The following SLC44A5 variants were observed in gnomAD, a reference collection of about 807,000 sequenced individuals.
SLC44A5 encodes choline transporter-like protein 5.
A neutral mutation model predicts 101.8 loss-of-function variants in SLC44A5; 57 were observed. The observed-to-expected ratio is 0.56, with a 90% confidence interval of 0.45 to 0.70. The LOEUF (loss-of-function observed/expected upper bound fraction) is 0.70. Among genes scored for constraint, SLC44A5 ranks in the 30% least tolerant of loss-of-function variants. The pLI, the probability that SLC44A5 is intolerant of heterozygous loss-of-function variation, is 0.00. For missense variants in SLC44A5, 737 were observed against 853.1 expected, an observed-to-expected ratio of 0.86 and a Z score of 1.70; for synonymous variants, 281 against 290.9, an observed-to-expected ratio of 0.97 and a Z score of 0.35.
intron 2 of SLC44A5, among the ~76,000 whole-genome samples, chr1:75,468,313 G>A (rs1439333999): frequency 6.6e-6 from 1 of 152,154 alleles, no homozygotes; most frequent in Admixed American, 6.5e-5. Flanking sequence ...GAATCCTACT[G>A]CTGGGTATAC....
At chr1:75,360,102 T>C (rs1048077689) in intron 3 of SLC44A5, among the ~76,000 whole-genome samples, 2 of 152,184 alleles carry the variant, frequency 1.3e-5, no homozygotes, top group African/African-American at 2.4e-5. Flanking sequence ...AAATAAGTTT[T>C]CCCACTCGCA....
the SLC44A5 span, among the ~76,000 whole-genome samples, chr1:75,665,274 A>C: frequency 6.6e-6 from 1 of 152,238 alleles, no homozygotes; most frequent in Non-Finnish European, 1.5e-5. Context: ...CCAATTGAAC[A>C]GACTGGAGGA....
At chr1:75,720,244 C>T in the SLC44A5 span, 1 of 152,204 alleles carries the variant, frequency 6.6e-6, no homozygotes, top group Non-Finnish European at 1.5e-5. Flanking sequence ...GTTTTTAAGT[C>T]TCCATTAAAT....
intron 2 of SLC44A5, among the ~76,000 whole-genome samples, chr1:75,459,508 A>G (rs558412847): frequency 2.0e-5 from 3 of 152,258 alleles, no homozygotes; most frequent in African/African-American, 7.2e-5. Context: ...AACCACTCGC[A>G]GATGTTTGTT....
chr1:75,655,040 A>G, the SLC44A5 span, among the ~76,000 whole-genome samples: 1 of 152,132 alleles, frequency 6.6e-6, no homozygotes, highest in Non-Finnish European at 1.5e-5. Flanking sequence ...TCCCTCTAAT[A>G]AAGATTAATC....
At chr1:75,722,030 A>C in the SLC44A5 span, among the ~76,000 whole-genome samples, 1 of 152,222 alleles carries the variant, frequency 6.6e-6, no homozygotes, top group African/African-American at 2.4e-5. Flanking sequence ...GTTATATAGG[A>C]AAATGTCCTT....
intron 12 of SLC44A5, among the ~76,000 whole-genome samples, chr1:75,233,143 A>G (rs1647744517): frequency 6.6e-6 from 1 of 152,180 alleles, no homozygotes; most frequent in Non-Finnish European, 1.5e-5. Context: ...TAGAGCTCAC[A>G]TTATACCTGA....
At chr1:75,706,870 A>T in the SLC44A5 span, among the ~76,000 whole-genome samples, 1 of 152,138 alleles carries the variant, frequency 6.6e-6, no homozygotes, top group Admixed American at 6.5e-5. Context: ...TATGTGAAAT[A>T]TTTCTCATGA....
At chr1:75,673,824 C>A in the SLC44A5 span, among the ~76,000 whole-genome samples, 3 of 152,120 alleles carry the variant, frequency 2.0e-5, no homozygotes, top group South Asian at 2.1e-4. Context: ...GGGTAGTACC[C>A]CTATGAGTCT....
At position 75,366,582 on chromosome 1, in the gene SLC44A5, C is replaced by T. The variant is rs116551868; in HGVS notation, c.53-26952G>A. Among the ~76,000 whole-genome samples, 750 of 152,222 alleles carry T rather than the reference C, an allele frequency of 4.9e-3. 4 individuals carry two copies. The highest frequency in any genetic ancestry group is 0.017 in the African/African-American group (701 of 41,534). On this transcript the variant is annotated intron_variant, in intron 3 of 23. Transcript: ENST00000370859. ...CCCATATTGCTGTCAAGATTTGGGACGTTTTCAGCCATTATTTATTTAAAC... is the reference window on the plus strand; with the variant it reads ...CCCATATTGCTGTCAAGATTTGGGATGTTTTCAGCCATTATTTATTTAAAC...
At chr1:75,518,037 C>T (rs1669930321) in intron 2 of SLC44A5, among the ~76,000 whole-genome samples, 1 of 152,142 alleles carries the variant, frequency 6.6e-6, no homozygotes, top group African/African-American at 2.4e-5. Flanking sequence ...ATCTTAGGTC[C>T]TGATTCTAGA....
intron 2 of SLC44A5, among the ~76,000 whole-genome samples, chr1:75,419,375 A>G (rs1182380480): frequency 6.6e-6 from 1 of 151,988 alleles, no homozygotes; most frequent in African/African-American, 2.4e-5. Flanking sequence ...AGAGAAAGAC[A>G]TATATACAGA....
At chr1:75,696,647 G>A in the SLC44A5 span, among the ~76,000 whole-genome samples, 3 of 152,272 alleles carry the variant, frequency 2.0e-5, no homozygotes, top group East Asian at 1.9e-4. Context: ...TGTAATCCCA[G>A]CACTTTGGGA....
chr1:75,591,583 A>G (rs1242895556), intron 1 of SLC44A5, among the ~76,000 whole-genome samples: 1 of 152,122 alleles, frequency 6.6e-6, no homozygotes, highest in African/African-American at 2.4e-5. Flanking sequence ...AAAATAGAAA[A>G]CTACAGGCCA....
intron 5 of SLC44A5, among the ~76,000 whole-genome samples, chr1:75,290,125 TG>T (rs1248264946): frequency 2.6e-5 from 4 of 152,230 alleles, no homozygotes; most frequent in African/African-American, 7.2e-5. Context: ...AAAGATGACC[TG>T]GCTTCTAACA....
chr1:75,485,116 A>T (rs756850403), intron 2 of SLC44A5, among the ~76,000 whole-genome samples: 3 of 152,210 alleles, frequency 2.0e-5, no homozygotes, highest in Non-Finnish European at 4.4e-5. Context: ...ACTTATGCAA[A>T]TTCTAACAGC....
At chr1:75,463,680 T>C (rs1181548010) in intron 2 of SLC44A5, among the ~76,000 whole-genome samples, 8 of 152,104 alleles carry the variant, frequency 5.3e-5, no homozygotes, top group Admixed American at 1.3e-4. Flanking sequence ...ATTTCATCAA[T>C]ACTAGACTCA....
intron 4 of SLC44A5, among the ~76,000 whole-genome samples, chr1:75,338,189 C>T (rs867040347): frequency 2.0e-5 from 3 of 152,122 alleles, no homozygotes; most frequent in East Asian, 1.9e-4. Flanking sequence ...TTTGTGGTGC[C>T]GGAGGCATCA....
chr1:75,615,590 C>G (rs941822459), upstream of SLC44A5, among the ~76,000 whole-genome samples: 1 of 152,022 alleles, frequency 6.6e-6, no homozygotes, highest in African/African-American at 2.4e-5. Flanking sequence ...CCAAGCTCGC[C>G]GAGTAGCAAA....
Sources: allele counts gnomAD v4.1 joint callset (sites outside exome capture counted in the v4.1 genomes callset), GRCh38; gene constraint gnomAD v4.1.1; transcripts MANE v1.5; gene names NCBI Gene and HGNC (gene_info 2026-07-23, HGNC 2026-07-21).